KIF1A: variants seen among roughly 807,000 people sequenced by gnomAD.
KIF1A encodes the protein kinesin-like protein KIF1A.
Under a neutral mutation model 227.3 loss-of-function variants are expected in KIF1A, and 46 were observed. That is an observed-to-expected ratio of 0.20 (90% CI 0.16 to 0.26). KIF1A has a LOEUF of 0.26. KIF1A is among the 10% of genes least tolerant of loss of function. KIF1A has a pLI of 1.00. For synonymous variants in KIF1A, 1,022 were observed against 1,012.8 expected (o/e 1.01, Z -0.17); for missense variants, 1,683 against 2,485.9 (o/e 0.68, Z 6.87).
At chr2:240,731,418 G>A (rs1010575337) in intron 38 of KIF1A, among the ~76,000 whole-genome samples, 4 of 152,178 alleles carry the variant, frequency 2.6e-5, no homozygotes, top group African/African-American at 9.7e-5. Context: ...CACCAGCAGC[G>A]CTGGGCTGCA....
At chr2:240,735,063 T>C (rs1357204132) in intron 38 of KIF1A, among the ~76,000 whole-genome samples, 1 of 152,170 alleles carries the variant, frequency 6.6e-6, no homozygotes, top group Non-Finnish European at 1.5e-5. Flanking sequence ...ACTGGCCTGG[T>C]CAGCCAAGCC....
chr2:240,813,042 T>TCACCTCGGGGATCA (rs1553642834), intron 1 of KIF1A, among the ~76,000 whole-genome samples: 1 of 150,078 alleles, frequency 6.7e-6, no homozygotes, highest in South Asian at 2.1e-4. Context: ...AGGATCCACT[T>TCACCTCGGGGATCA]GCTCCCAGTT....
At chr2:240,731,884 TGAGGGGAGGAGGGGAGGAGGGGAG>T (rs557888217) in intron 38 of KIF1A, among the ~76,000 whole-genome samples, 29 of 32,316 alleles carry the variant, frequency 9.0e-4, no homozygotes, top group African/African-American at 4.0e-3. Flanking sequence ...GGGTAAGGGA[TGAGGGGAGGAGGGGAGGAGGGGAG>T]GAGGGGAGGA....
rs1291901144 is a variant in KIF1A, at chr2:240,766,704, A to C, written c.1684+211T>G. On this transcript the variant is annotated intron_variant, in intron 19 of 48. Coordinates refer to ENST00000498729, the MANE Select transcript of KIF1A (RefSeq NM_001244008.2). The surrounding 1 kb of genome is among the most constrained non-coding windows in gnomAD (Gnocchi z 5.0). ...GTTGTTTTTAAGGCTGGCCCCAAAT[A>C]TCTCTCTCTCTCTCCAAATCTCTCT... is the stretch of plus-strand genomic sequence containing the variant. Among the ~76,000 whole-genome samples, 6 of 141,094 alleles carry C rather than the reference A, an allele frequency of 4.3e-5. No individual in the cohort carries two copies. The highest frequency in any genetic ancestry group is 2.1e-4 in the East Asian group (1 of 4,700). The allele number at this position is 141,094 out of a possible 152,430, so 92.6% of individuals were successfully genotyped here. A position where few individuals can be genotyped will look rare whatever the true frequency, so the allele number is the denominator to read the frequency against.
chr2:240,722,576 C>A lies in KIF1A; in HGVS notation c.4545G>T (p.Pro1515=), dbSNP rs540399320. 77 of 1,559,374 alleles carry A rather than the reference C, an allele frequency of 4.9e-5. No individual in the cohort carries two copies. Among genetic ancestry groups the A allele is most frequent in the Non-Finnish European group, 6.1e-5 (70 of 1,152,138 alleles). The part of the protein sequence containing the change: ...AQRPVPEALS[P]AFSEDSESHG... ...GGGACTCAGAGTCCTCGCTGAAGGC[C>A]GGGGACAGTGCCTCCGGGACAGGCC... The change falls in exon 43 of 49, where the codon CCG becomes CCT. Residue 1515 remains proline (P), a synonymous_variant. Coordinates refer to ENST00000498729, the MANE Select transcript of KIF1A (RefSeq NM_001244008.2).
intron 42 of KIF1A, 26 bp downstream of exon 42, chr2:240,723,383 TGCGG>T (rs1293281036): frequency 6.5e-7 from 1 of 1,531,436 alleles, no homozygotes; most frequent in South Asian, 1.2e-5. Flanking sequence ...GACACCACCG[TGCGG>T]GCCTCATCCT....
intron 16 of KIF1A, 117 bp downstream of exon 16, chr2:240,769,510 C>CCACCCCATCCCATGGTG (rs1347731730): frequency 2.7e-5 from 22 of 828,796 alleles, no homozygotes; most frequent in African/African-American, 3.4e-5. Flanking sequence ...TGGGATGTGG[C>CCACCCCATCCCATGGTG]CACCCCATGG....
intron 1 of KIF1A, among the ~76,000 whole-genome samples, chr2:240,801,517 C>G (rs2056961912): frequency 6.6e-6 from 1 of 152,034 alleles, no homozygotes; most frequent in South Asian, 2.1e-4. Flanking sequence ...GTCAAACATA[C>G]CTGTAAGTGG....
intron 2 of KIF1A, among the ~76,000 whole-genome samples, chr2:240,791,036 G>A (rs906821842): frequency 6.6e-6 from 1 of 152,070 alleles, no homozygotes; most frequent in Non-Finnish European, 1.5e-5. Context: ...TCCCACCTGC[G>A]CCCCCATCCC....
In KIF1A at chr2:240,757,538, C is replaced by A; in HGVS notation, c.2639G>T (p.Arg880Leu). Residue 880 changes from arginine to leucine, a missense_variant, in exon 27 of 49, where the codon CGC becomes CTC. Around this residue, in one of 12 missense-constraint regions of KIF1A, gnomAD observed 759 missense variants for 1,020.2 expected, o/e 0.74. Transcript: ENST00000498729. The surrounding 1 kb of genome is among the most constrained non-coding windows in gnomAD (Gnocchi z 6.2). ...GGGGGAGGGGGTGAGAGCAGCCATG[C>A]GCTCGCTCATGCATGTGTTGAGAAG... ...YPLLNTCMSE[R>L]MAALTPSPTF... 6.4e-7 allele frequency: 1 copy of A among 1,550,556 alleles called. No homozygotes were observed. The highest frequency in any genetic ancestry group is 8.7e-7 in the Non-Finnish European group (1 of 1,146,992).
intron 1 of KIF1A, among the ~76,000 whole-genome samples, chr2:240,802,945 T>G (rs1326774800): frequency 6.6e-6 from 1 of 152,186 alleles, no homozygotes; most frequent in Non-Finnish European, 1.5e-5. Flanking sequence ...CATATTCTTT[T>G]AAAGTGCACA....
chr2:240,734,769 G>C, intron 38 of KIF1A: 1 of 1,304,496 alleles, frequency 7.7e-7, no homozygotes, highest in African/African-American at 1.5e-5. Context: ...ACAATCACAC[G>C]GTTAGTGAGG....
chr2:240,766,943 G>A lies in KIF1A; in HGVS notation c.1656C>T (p.Phe552=). 1 of 1,611,734 alleles carries A rather than the reference G, an allele frequency of 6.2e-7. No individual in the cohort carries two copies. The highest frequency in any genetic ancestry group is 2.2e-5 in the East Asian group (1 of 44,834). The change falls in exon 19 of 49, where the codon TTC becomes TTT. Residue 552 remains phenylalanine, a synonymous_variant. Transcript: ENST00000498729. The surrounding 1 kb of genome is among the most constrained non-coding windows in gnomAD (Gnocchi z 5.0). ...GHFIKEEHCV[F]RSDSRGGSEA... ...CGCTGCCTCCCCTGGAGTCGCTCCGGAAGACGCAGTGCTCCTCCTTGATGA... is the reference window on the plus strand; with the variant it reads ...CGCTGCCTCCCCTGGAGTCGCTCCGAAAGACGCAGTGCTCCTCCTTGATGA...
rs1485967948 is a variant in KIF1A at position 240,757,338 on chromosome 2, G to A, written c.2839C>T (p.Leu947=). ...GRDPFYDRPP[L]FSLVGRAFVY... is the part of the protein sequence containing the mutation. ...ACCAACCTTCCTACTAAACTGAACA[G>A]GGGGGGCCGGTCGTAAAACGGGTCC... The change falls in exon 27 of 49, where the codon CTG becomes TTG. Residue 947 remains leucine (L), a synonymous_variant. Coordinates refer to ENST00000498729, the MANE Select transcript of KIF1A (RefSeq NM_001244008.2). This position sits in a 1 kb window ranked among gnomAD's most constrained non-coding sequence, Gnocchi z 6.2. 3 of 1,550,252 alleles carry A rather than the reference G, an allele frequency of 1.9e-6. No homozygotes were observed. Among genetic ancestry groups the A allele is most frequent in the Admixed American group, 3.9e-5 (2 of 50,998 alleles).
In KIF1A at chr2:240,736,173, T is replaced by C. The variant is rs977946856; in HGVS notation, c.4007+890A>G. Among the ~76,000 whole-genome samples, 3 of 152,228 alleles carry C rather than the reference T, an allele frequency of 2.0e-5. No individual in the cohort carries two copies. Among genetic ancestry groups the C allele is most frequent in the South Asian group, 2.1e-4 (1 of 4,822 alleles). ...GACGCCCGCCAGGACCCTCCTTCCT[T>C]ATGACCCTGACCCTCCTTGCAGGGA... On this transcript the variant is annotated intron_variant, in intron 38 of 48. Transcript: ENST00000498729. This position sits in a 1 kb window ranked among gnomAD's most constrained non-coding sequence, Gnocchi z 4.7.
intron 1 of KIF1A, among the ~76,000 whole-genome samples, chr2:240,807,961 TA>T (rs2057563001): frequency 6.6e-6 from 1 of 152,226 alleles, no homozygotes; most frequent in African/African-American, 2.4e-5. Flanking sequence ...TCATTTGTGA[TA>T]AAATTCTAAG....
intron 38 of KIF1A, among the ~76,000 whole-genome samples, chr2:240,731,930 AT>A: frequency 4.2e-5 from 2 of 47,460 alleles, no homozygotes; most frequent in Admixed American, 1.9e-4. Flanking sequence ...GGGAGGAGGG[AT>A]GAGGGATGGG....
At chr2:240,749,459 G>T (rs2048972572) in intron 28 of KIF1A, among the ~76,000 whole-genome samples, 1 of 152,174 alleles carries the variant, frequency 6.6e-6, no homozygotes, top group Non-Finnish European at 1.5e-5. Flanking sequence ...GCCTGTCTGT[G>T]TGTCTGTCTG....
intron 1 of KIF1A, among the ~76,000 whole-genome samples, chr2:240,810,396 A>G (rs1006833108): frequency 6.6e-6 from 1 of 152,250 alleles, no homozygotes; most frequent in Non-Finnish European, 1.5e-5. Context: ...TGTATCCACC[A>G]GATGGCAACA....
Sources: allele counts gnomAD v4.1 joint callset (sites outside exome capture counted in the v4.1 genomes callset), GRCh38; gene constraint gnomAD v4.1.1; regional missense constraint gnomAD v4.1.1; non-coding constraint Gnocchi (gnomAD v3.1); transcripts MANE v1.5; gene names NCBI Gene and HGNC (gene_info 2026-07-23, HGNC 2026-07-21).